INPP4B: variants seen among roughly 807,000 people sequenced by gnomAD.
The protein encoded by INPP4B is inositol polyphosphate 4-phosphatase type II.
Under a neutral mutation model 122.5 loss-of-function variants are expected in INPP4B, and 55 were observed. The ratio of observed to expected loss-of-function variants is 0.45; its 90% CI spans 0.36 to 0.56. INPP4B has a LOEUF of 0.56. INPP4B is among the 20% of genes least tolerant of loss of function. The pLI is 0.00. For synonymous variants in INPP4B, 403 were observed against 388.7 expected (o/e 1.04, Z -0.43); for missense variants, 1,000 against 1,097.7 (o/e 0.91, Z 1.26).
chr4:142,753,092 C>A (rs1160287187), intron 1 of INPP4B, among the ~76,000 whole-genome samples: 2 of 152,060 alleles, frequency 1.3e-5, no homozygotes, highest in Admixed American at 1.3e-4. Flanking sequence ...AGAATCAGAA[C>A]TTTTTAGTAA....
At chr4:142,424,700 T>C (rs775190551) in intron 5 of INPP4B, among the ~76,000 whole-genome samples, 1 of 152,104 alleles carries the variant, frequency 6.6e-6, no homozygotes, top group African/African-American at 2.4e-5. Flanking sequence ...TAATAGCTTA[T>C]ATTCATCAAC....
intron 12 of INPP4B, among the ~76,000 whole-genome samples, chr4:142,234,627 C>A (rs1349285035): frequency 1.3e-5 from 2 of 152,146 alleles, no homozygotes; most frequent in Non-Finnish European, 2.9e-5. Context: ...GAGATTTATA[C>A]AGAAAAGGTA....
chr4:142,066,744 T>A (rs1763720262), intron 25 of INPP4B, among the ~76,000 whole-genome samples: 1 of 152,094 alleles, frequency 6.6e-6, no homozygotes, highest in Non-Finnish European at 1.5e-5. Context: ...CAGTCTGAGA[T>A]CAAACTGCAA....
intron 4 of INPP4B, among the ~76,000 whole-genome samples, 158 bp from the exon 5 acceptor site, chr4:142,429,375 C>G (rs1212622052): frequency 1.3e-5 from 2 of 151,976 alleles, no homozygotes; most frequent in Non-Finnish European, 2.9e-5. Flanking sequence ...AATCAGTTCT[C>G]AGGGCAGGGC....
chr4:142,317,941 A>C (rs1446841417), intron 7 of INPP4B, among the ~76,000 whole-genome samples: 1 of 152,174 alleles, frequency 6.6e-6, no homozygotes, highest in Non-Finnish European at 1.5e-5. Flanking sequence ...ATGTTATAGA[A>C]GTGGAGTTTT....
chr4:142,735,550 G>A (rs1051166102), intron 1 of INPP4B, among the ~76,000 whole-genome samples: 4 of 152,136 alleles, frequency 2.6e-5, no homozygotes, highest in Non-Finnish European at 5.9e-5. Flanking sequence ...CTGAAGCACA[G>A]TTTGGTTACC....
At chr4:142,285,386 G>A (rs1415852882) in intron 9 of INPP4B, among the ~76,000 whole-genome samples, 2 of 66,300 alleles carry the variant, frequency 3.0e-5, no homozygotes, top group African/African-American at 5.2e-4. Flanking sequence ...TAAGAATTGA[G>A]GTTCATGGCC....
At chr4:142,066,627 T>A (rs1254564146) in intron 25 of INPP4B, among the ~76,000 whole-genome samples, 3 of 152,226 alleles carry the variant, frequency 2.0e-5, no homozygotes, top group African/African-American at 4.8e-5. Context: ...CTGACCCTAA[T>A]AATGTGCTTT....
chr4:142,720,635 T>G (rs7376475), intron 2 of INPP4B, among the ~76,000 whole-genome samples: 97,643 of 144,006 alleles, frequency 0.68, 32,750 homozygotes, highest in East Asian at 0.83. Context: ...TTATTGTCTG[T>G]TTTTTTTTCC....
intron 2 of INPP4B, among the ~76,000 whole-genome samples, chr4:142,709,358 G>A (rs1376748070): frequency 6.6e-6 from 1 of 152,230 alleles, no homozygotes; most frequent in Non-Finnish European, 1.5e-5. Context: ...ATTTTGAAAT[G>A]TAAGAAGGAC....
At chr4:142,442,581 A>T (rs1472552707) in intron 3 of INPP4B, among the ~76,000 whole-genome samples, 1 of 152,142 alleles carries the variant, frequency 6.6e-6, no homozygotes, top group Non-Finnish European at 1.5e-5. Context: ...TCCATTTAGG[A>T]TGTACAAAGA....
intron 1 of INPP4B, chr4:142,768,034 T>G (rs907960635): frequency 1.3e-5 from 2 of 152,138 alleles, no homozygotes; most frequent in African/African-American, 4.8e-5. Flanking sequence ...ATGGCTGAAA[T>G]ATGAGTTATG....
chr4:142,390,447 T>C (rs1234592424), intron 7 of INPP4B, among the ~76,000 whole-genome samples: 1 of 152,184 alleles, frequency 6.6e-6, no homozygotes, highest in African/African-American at 2.4e-5. Flanking sequence ...TTCTATTTCA[T>C]AGTATCAAGT....
intron 2 of INPP4B, among the ~76,000 whole-genome samples, chr4:142,620,721 T>C (rs1482813359): frequency 1.3e-5 from 2 of 151,958 alleles, no homozygotes; most frequent in Non-Finnish European, 2.9e-5. Context: ...CCCATAGAAT[T>C]TTACAACTAT....
chr4:142,208,556 A>AT, intron 13 of INPP4B, 27 bp from the exon 14 acceptor site: 2 of 1,210,904 alleles, frequency 1.7e-6, no homozygotes, highest in Non-Finnish European at 2.4e-6. Flanking sequence ...ATTAAACATT[A>AT]TTAGTAAATA....
At chr4:142,668,843 T>C (rs576300293) in intron 2 of INPP4B, among the ~76,000 whole-genome samples, 65 of 151,744 alleles carry the variant, frequency 4.3e-4, no homozygotes, top group Non-Finnish European at 6.8e-4. Context: ...GGTCAGGAGA[T>C]TGAGACTATC....
At chr4:142,829,313 G>A (rs989497854) in intron 1 of INPP4B, among the ~76,000 whole-genome samples, 5 of 151,888 alleles carry the variant, frequency 3.3e-5, no homozygotes, top group African/African-American at 7.3e-5. Context: ...GACTTCTGAC[G>A]GACTTTAGCC....
intron 2 of INPP4B, among the ~76,000 whole-genome samples, chr4:142,690,252 C>T (rs1759979935): frequency 6.6e-6 from 1 of 152,100 alleles, no homozygotes; most frequent in African/African-American, 2.4e-5. Context: ...CAACAAGGTG[C>T]TGTGCAGGTA....
chr4:142,129,649 A>T (rs187740939), intron 18 of INPP4B, among the ~76,000 whole-genome samples: 1 of 152,304 alleles, frequency 6.6e-6, no homozygotes, highest in African/African-American at 2.4e-5. Flanking sequence ...GGAAAAGAAA[A>T]GCACCTGTGG....
Sources: allele counts gnomAD v4.1 joint callset (sites outside exome capture counted in the v4.1 genomes callset), GRCh38; gene constraint gnomAD v4.1.1; transcripts MANE v1.5; gene names NCBI Gene and HGNC (gene_info 2026-07-23, HGNC 2026-07-21).